USH2A: variants seen among roughly 807,000 people sequenced by gnomAD.
The protein encoded by USH2A is Usher syndrome 2A (autosomal recessive, mild).
In USH2A, 443 loss-of-function variants were observed where a neutral mutation model predicts 538.9. The ratio of observed to expected loss-of-function variants is 0.82; its 90% CI spans 0.76 to 0.89. The LOEUF (loss-of-function observed/expected upper bound fraction) is 0.89. USH2A is among the 40% of genes least tolerant of loss of function. The pLI, the probability that USH2A is intolerant of heterozygous loss-of-function variation, is 0.00. For synonymous variants in USH2A, 2,413 were observed against 2,273.5 expected, an observed-to-expected ratio of 1.06 and a Z score of -1.75; for missense variants, 6,633 against 6,324.8, an observed-to-expected ratio of 1.05 and a Z score of -1.65.
intron 55 of USH2A, among the ~76,000 whole-genome samples, chr1:215,774,800 A>T (rs1661412014): frequency 6.6e-6 from 1 of 152,094 alleles, no homozygotes; most frequent in African/African-American, 2.4e-5. Context: ...ATTTTAAAAA[A>T]TATCATTGTC....
chr1:215,994,935 C>T lies in USH2A; in HGVS notation c.6658-1768G>A, dbSNP rs1028953537. Among the ~76,000 whole-genome samples the T allele has an allele frequency of 3.3e-5, 5 of 152,116 alleles. No individual in the cohort carries two copies. The East Asian group carries it at 5.8e-4, about 18-fold the overall frequency. On this transcript the variant is annotated intron_variant, in intron 34 of 71. Transcript: ENST00000307340. ...AATGGTCAAAGACAAATTTTTCCCA[C>T]TTCTCAGGGAGAAAAAAAATCCATC... is the stretch of plus-strand genomic sequence containing the variant.
intron 38 of USH2A, among the ~76,000 whole-genome samples, chr1:215,921,180 C>A (rs1173508747): frequency 6.6e-6 from 1 of 151,948 alleles, no homozygotes; most frequent in Non-Finnish European, 1.5e-5. Context: ...CAGAAGATCA[C>A]AATTTATAAT....
chr1:215,686,320 G>T (rs1444856222), intron 61 of USH2A, among the ~76,000 whole-genome samples: 1 of 152,064 alleles, frequency 6.6e-6, no homozygotes, highest in Non-Finnish European at 1.5e-5. Context: ...AAGAAAGGGG[G>T]TGAGGACTTG....
intron 26 of USH2A, among the ~76,000 whole-genome samples, chr1:216,082,341 C>A (rs577412131): frequency 2.8e-5 from 3 of 105,268 alleles, no homozygotes; most frequent in African/African-American, 7.7e-5. Flanking sequence ...GAGAAAGAAG[C>A]CAACAATACA....
At chr1:216,036,226 CCTTT>C (rs1463097013) in intron 32 of USH2A, among the ~76,000 whole-genome samples, 7 of 152,122 alleles carry the variant, frequency 4.6e-5, no homozygotes, top group Non-Finnish European at 8.8e-5. Context: ...AAATTTCTTT[CCTTT>C]CTATCAATTT....
chr1:216,104,330 C>T (rs956396201), intron 21 of USH2A, among the ~76,000 whole-genome samples: 10 of 150,810 alleles, frequency 6.6e-5, no homozygotes, highest in African/African-American at 2.4e-4. Flanking sequence ...GGTTTTTTGT[C>T]CTTGCGATAG....
chr1:215,986,100 C>T (rs1405793169), intron 35 of USH2A, among the ~76,000 whole-genome samples: 5 of 151,780 alleles, frequency 3.3e-5, no homozygotes, highest in African/African-American at 9.7e-5. Context: ...TAATGGGTGC[C>T]CAGCTCTCAT....
At position 215,861,990 on chromosome 1, in the gene USH2A, C is replaced by G. The variant is rs554235797; in HGVS notation, c.8845+5017G>C. Among the ~76,000 whole-genome samples, 264 of 152,072 alleles carry G rather than the reference C, an allele frequency of 1.7e-3. 1 individual carries two copies. Among genetic ancestry groups the G allele is most frequent in the Non-Finnish European group, 3.3e-3 (224 of 67,988 alleles). On this transcript the variant is annotated intron_variant, in intron 44 of 71. Transcript: ENST00000307340. ...GACTAGCTGGGACTACAGGCATGCA[C>G]CACCACACCTGGCCAATTTTTGTAT...
intron 55 of USH2A, among the ~76,000 whole-genome samples, chr1:215,769,984 C>A (rs1453091468): frequency 6.6e-6 from 1 of 152,134 alleles, no homozygotes; most frequent in African/African-American, 2.4e-5. Context: ...GTTTAATGGA[C>A]CATGTGGGCA....
At chr1:216,000,079 A>T (rs777922881) in intron 33 of USH2A, among the ~76,000 whole-genome samples, 12 of 152,170 alleles carry the variant, frequency 7.9e-5, no homozygotes, top group South Asian at 2.1e-4. Context: ...ACTCAAAAAG[A>T]TATACATACT....
At chr1:216,087,806 T>C (rs1463879088) in intron 23 of USH2A, among the ~76,000 whole-genome samples, 1 of 152,158 alleles carries the variant, frequency 6.6e-6, no homozygotes, top group African/African-American at 2.4e-5. Context: ...TGATTTCTTG[T>C]CTGAATTATT....
At chr1:216,014,849 A>T (rs1386857041) in intron 32 of USH2A, among the ~76,000 whole-genome samples, 2 of 152,206 alleles carry the variant, frequency 1.3e-5, no homozygotes, top group African/African-American at 4.8e-5. Context: ...GATTGATTTC[A>T]TGCTGTTGTT....
chr1:215,828,092 C>T (rs964594738), intron 47 of USH2A, among the ~76,000 whole-genome samples: 1 of 152,030 alleles, frequency 6.6e-6, no homozygotes, highest in South Asian at 2.1e-4. Flanking sequence ...AAAGGAGAAT[C>T]CTCTTTCTCC....
chr1:216,284,353 A>T (rs1191989547), intron 11 of USH2A, among the ~76,000 whole-genome samples: 2 of 151,990 alleles, frequency 1.3e-5, no homozygotes. Flanking sequence ...TTCTCACATG[A>T]TCTGATGGTT....
intron 59 of USH2A, among the ~76,000 whole-genome samples, chr1:215,742,267 T>G (rs1660326476): frequency 6.6e-6 from 1 of 152,106 alleles, no homozygotes; most frequent in African/African-American, 2.4e-5. Context: ...GAAACAGAAA[T>G]TCCTAAGGAC....
At chr1:216,346,343 G>A (rs571862120) in intron 4 of USH2A, among the ~76,000 whole-genome samples, 13 of 152,002 alleles carry the variant, frequency 8.6e-5, no homozygotes, top group Non-Finnish European at 1.3e-4. Flanking sequence ...AAAAACATCT[G>A]TTTTCCTCAT....
Position 215,900,801 on chromosome 1 carries a change from A to G in USH2A, c.7405T>C (p.Tyr2469His). 6.2e-7 allele frequency: 1 copy of G among 1,613,788 alleles called. No individual in the cohort carries two copies. The highest frequency in any genetic ancestry group is 8.5e-7 in the Non-Finnish European group (1 of 1,179,778). Residue 2469 changes from tyrosine (Y) to histidine (H), a missense_variant, in exon 39 of 72, where the codon TAC (tyrosine) becomes CAC (histidine). Physicochemically the swap from Tyr to His is moderately conservative, Grantham distance 83. Coordinates refer to ENST00000307340, the MANE Select transcript of USH2A (RefSeq NM_206933.4). Reference sequence around the variant, plus strand: ...TCGCCAGACCTCATCTGGAGTTGGTATCTGGGAGAGCCAGGAGCGTTATTA... The same window carrying G: ...TCGCCAGACCTCATCTGGAGTTGGTGTCTGGGAGAGCCAGGAGCGTTATTA... ...ARNNAPGSPR[Y>H]QLQMRSGDST... is the part of the protein sequence containing the mutation.
chr1:215,995,525 C>A (rs1253010257), intron 34 of USH2A, among the ~76,000 whole-genome samples: 3 of 152,154 alleles, frequency 2.0e-5, no homozygotes, highest in Non-Finnish European at 2.9e-5. Context: ...AATCTGACAT[C>A]ATCTAAATGA....
intron 38 of USH2A, among the ~76,000 whole-genome samples, chr1:215,912,483 A>ACG (rs1665822876): frequency 3.0e-3 from 54 of 17,910 alleles, no homozygotes; most frequent in African/African-American, 0.011. Flanking sequence ...ATACGTATAT[A>ACG]TATATATGTG....
Sources: allele counts gnomAD v4.1 joint callset (sites outside exome capture counted in the v4.1 genomes callset), GRCh38; gene constraint gnomAD v4.1.1; transcripts MANE v1.5; gene names NCBI Gene and HGNC (gene_info 2026-07-23, HGNC 2026-07-21).